SPG11: variants seen among roughly 807,000 people sequenced by gnomAD.
SPG11 encodes the protein SPG11 vesicle trafficking associated, spatacsin.
Under a neutral mutation model 274.0 loss-of-function variants are expected in SPG11, and 222 were observed. The ratio of observed to expected loss-of-function variants is 0.81; its 90% CI spans 0.73 to 0.91. The LOEUF is 0.91. SPG11 is among the 40% of genes least tolerant of loss of function. The pLI, the probability that SPG11 is intolerant of heterozygous loss-of-function variation, is 0.00. For missense variants in SPG11, 3,114 were observed against 2,872.7 expected (o/e 1.08, Z -1.92); for synonymous variants, 1,144 against 1,039.7 (o/e 1.10, Z -1.93).
intron 31 of SPG11, 62 bp downstream of exon 31, chr15:44,574,840 C>A: frequency 6.2e-7 from 1 of 1,605,406 alleles, no homozygotes; most frequent in Middle Eastern, 2.2e-4. Context: ...TGTCCAAAAT[C>A]AACCTCAAAC....
intron 7 of SPG11, among the ~76,000 whole-genome samples, chr15:44,646,521 A>G (rs986261313): frequency 1.3e-5 from 2 of 151,956 alleles, no homozygotes; most frequent in African/African-American, 4.8e-5. Context: ...TGATGCAATC[A>G]CCTCCCTCCC....
intron 18 of SPG11, 124 bp downstream of exon 18, chr15:44,610,716 C>G (rs936829772): frequency 1.8e-5 from 19 of 1,052,388 alleles, no homozygotes; most frequent in African/African-American, 1.4e-4. Context: ...ATCCTCTGCT[C>G]TTTAATCTAA....
Position 44,562,920 on chromosome 15 carries a change from C to T in SPG11, c.*201G>A, listed in dbSNP as rs2082221853. 6.9e-6 allele frequency: 4 copies of T among 576,436 alleles called. No homozygotes were observed. In the South Asian group the frequency reaches 8.3e-5, roughly 12 times the overall value. 35.7% of individuals were successfully genotyped at this position (576,436 alleles called of 1,614,324 possible). The stretch of plus-strand genomic sequence containing the variant: ...ATCTATATAAAATGGTGTGGATGAA[C>T]AATCATCTAAAATCAATCTATTTTA... On this transcript the variant is annotated 3_prime_UTR_variant, in exon 40 of 40. Transcript: ENST00000261866.
chr15:44,567,228 G>A, intron 36 of SPG11, 196 bp downstream of exon 36: 1 of 535,202 alleles, frequency 1.9e-6, no homozygotes, highest in Non-Finnish European at 3.3e-6. Context: ...GCAGGTGCTT[G>A]TAATCCCAGC....
rs747458217 is a variant in SPG11, at chr15:44,596,344, A to G, written c.4173T>C (p.Leu1391=). ...GAATGACTGGGCTGAAGTACTGGATAAGGGATTTCACCTAGAAGGCATATC... is the reference window on the plus strand; with the variant it reads ...GAATGACTGGGCTGAAGTACTGGATGAGGGATTTCACCTAGAAGGCATATC... ...HNYHPAEVKS[L]IQYFSPVIQD... The change falls in exon 25 of 40, where the codon CTT becomes CTC. Residue 1391 remains leucine, a synonymous_variant. Transcript: ENST00000261866. The G allele has an allele frequency of 3.7e-6, 6 of 1,614,030 alleles. No homozygotes were observed. Among genetic ancestry groups the G allele is most frequent in the African/African-American group, 1.3e-5 (1 of 74,924 alleles).
chr15:44,579,804 A>G (rs991129276), intron 30 of SPG11, among the ~76,000 whole-genome samples: 7 of 152,228 alleles, frequency 4.6e-5, no homozygotes, highest in Non-Finnish European at 4.4e-5. Flanking sequence ...GTTTCCATCA[A>G]CAACGGACTG....
Position 44,659,277 on chromosome 15 carries a change from G to C in SPG11, c.469C>G (p.Leu157Val), listed in dbSNP as rs764315772. 1 of 1,613,708 alleles carries C rather than the reference G, an allele frequency of 6.2e-7. No homozygotes were observed. The highest frequency in any genetic ancestry group is 1.1e-5 in the South Asian group (1 of 91,066). ...ISISLLSLRI[L>V]SFHNNTSLLF... ...AATGATGTGTTATTGTGAAATGACA[G>C]GATTCTCAAAGACAATAAGGAAATA... Residue 157 changes from leucine (L) to valine (V), a missense_variant, in exon 3 of 40, where the codon CTG (leucine) becomes GTG (valine). Transcript: ENST00000261866.
In SPG11 at chr15:44,617,213, A is replaced by AGAG. The variant is rs778908324; in HGVS notation, c.2835-1648_2835-1647insCTC. Among the ~76,000 whole-genome samples, 5 of 151,834 alleles carry AGAG rather than the reference A, an allele frequency of 3.3e-5. No homozygotes were observed. The South Asian group carries it at 8.3e-4, about 25-fold the overall frequency. ...CTGACACCCTACACTAAGGGTCACA[A>AGAG]CTCCTGCCAGGCAGCTCTCTTGGTC... On this transcript the variant is annotated intron_variant, in intron 15 of 39. Transcript: ENST00000261866.
At chr15:44,626,981 C>T (rs2083919367) in intron 10 of SPG11, among the ~76,000 whole-genome samples, 1 of 152,176 alleles carries the variant, frequency 6.6e-6, no homozygotes, top group Non-Finnish European at 1.5e-5. Context: ...TGCATCAAGC[C>T]TTCAGGGAAC....
intron 15 of SPG11, 170 bp downstream of exon 15, chr15:44,620,020 G>T: frequency 1.5e-6 from 1 of 653,982 alleles, no homozygotes; most frequent in Non-Finnish European, 2.6e-6. Context: ...TTGGCCAAAT[G>T]AGTATGATTT....
intron 35 of SPG11, among the ~76,000 whole-genome samples, chr15:44,568,876 C>T (rs780454028): frequency 1.3e-5 from 2 of 152,010 alleles, no homozygotes; most frequent in Non-Finnish European, 2.9e-5. Flanking sequence ...TTATTTTCTT[C>T]AGTATTTAGC....
chr15:44,567,030 C>T lies in SPG11; in HGVS notation c.6754+394G>A, dbSNP rs1247678730. The stretch of plus-strand genomic sequence containing the variant: ...CTACCTCAAGATTCTAATAGCCCAT[C>T]TCATGGGCTCTTGTCCTTTGCTGTA... On this transcript the variant is annotated intron_variant, in intron 36 of 39. Coordinates refer to ENST00000261866, the MANE Select transcript of SPG11 (RefSeq NM_025137.4). Among the ~76,000 whole-genome samples the T allele has an allele frequency of 2.0e-5, 3 of 151,834 alleles. No individual in the cohort carries two copies. In the East Asian group the frequency reaches 5.9e-4, roughly 30 times the overall value.
rs1461779094 is a variant in SPG11 at position 44,562,935 on chromosome 15, A to AATC, written c.*183_*185dup. 1 of 594,748 alleles carries AATC rather than the reference A, an allele frequency of 1.7e-6. No individual in the cohort carries two copies. The highest frequency in any genetic ancestry group is 1.9e-5 in the African/African-American group (1 of 53,708). 36.8% of individuals were successfully genotyped at this position (594,748 alleles called of 1,614,324 possible). On this transcript the variant is annotated 3_prime_UTR_variant, in exon 40 of 40. Coordinates refer to ENST00000261866, the MANE Select transcript of SPG11 (RefSeq NM_025137.4). ...TGTGGATGAACAATCATCTAAAATC[A>AATC]ATCTATTTTAAATAGGAATTTCCTC...
rs2082622013 is a variant in SPG11, at chr15:44,579,752, A to T, written c.5866+4062T>A. Among the ~76,000 whole-genome samples, 3 of 152,156 alleles carry T rather than the reference A, an allele frequency of 2.0e-5. No individual in the cohort carries two copies. In the South Asian group the frequency reaches 6.2e-4, roughly 31 times the overall value. On this transcript the variant is annotated intron_variant, in intron 30 of 39. Coordinates refer to ENST00000261866, the MANE Select transcript of SPG11 (RefSeq NM_025137.4). ...AAACAGATATGAAGAATAAAATGAA[A>T]ATTTTAGAACTGAAAAATGCAGTTA...
intron 8 of SPG11, among the ~76,000 whole-genome samples, chr15:44,632,118 T>C (rs1362555176): frequency 6.6e-6 from 1 of 152,096 alleles, no homozygotes; most frequent in African/African-American, 2.4e-5. Context: ...CTACATTACT[T>C]CTTTTACATA....
intron 35 of SPG11, among the ~76,000 whole-genome samples, chr15:44,568,150 A>G (rs987508666): frequency 6.6e-6 from 1 of 152,198 alleles, no homozygotes; most frequent in African/African-American, 2.4e-5. Flanking sequence ...CCTATACCAA[A>G]TTGTTAGTGA....
intron 29 of SPG11, 119 bp from the exon 30 acceptor site, chr15:44,584,677 G>A (rs915045291): frequency 9.7e-6 from 12 of 1,231,542 alleles, no homozygotes; most frequent in Non-Finnish European, 1.4e-5. Context: ...CACCCAGGCT[G>A]GAGAGCAGTG....
At chr15:44,609,758 G>T (rs1310181027) in intron 18 of SPG11, among the ~76,000 whole-genome samples, 1 of 149,992 alleles carries the variant, frequency 6.7e-6, no homozygotes, top group Non-Finnish European at 1.5e-5. Flanking sequence ...TTGAGACAAG[G>T]TCTCACTTTA....
At position 44,663,471 on chromosome 15, in the gene SPG11, A is replaced by T. The variant is rs750527049; in HGVS notation, c.177T>A (p.Ala59=). The T allele has an allele frequency of 8.8e-6, 14 of 1,594,776 alleles. No homozygotes were observed. Among genetic ancestry groups the T allele is most frequent in the Non-Finnish European group, 1.1e-5 (13 of 1,171,508 alleles). The change falls in exon 1 of 40, where the codon GCT becomes GCA. Residue 59 remains alanine (A), a synonymous_variant. Transcript: ENST00000261866. The stretch of plus-strand genomic sequence containing the variant: ...AAGAAAGCACTTGGAGGCTGCCCGC[A>T]GCCGTCAGGCTCCCCAGAGCCTCCG... The part of the protein sequence containing the change: ...TQPEALGSLT[A]AGSLQVLSLT...
Sources: gnomAD v4.1 joint callset for allele counts (sites outside exome capture counted in the v4.1 genomes callset) on GRCh38, gnomAD v4.1.1 for gene constraint, MANE v1.5 for transcripts, NCBI Gene and HGNC (gene_info 2026-07-23, HGNC 2026-07-21) for gene names.